ARHGAP44: variants seen among roughly 807,000 people sequenced by gnomAD.
ARHGAP44 encodes Rho GTPase activating protein 44.
ARHGAP44 carries 43 observed loss-of-function variants against 106.8 expected under a neutral mutation model. The ratio of observed to expected loss-of-function variants is 0.40; its 90% CI spans 0.32 to 0.52. The LOEUF (loss-of-function observed/expected upper bound fraction) is 0.52, where lower values mean the gene tolerates loss of function less well. ARHGAP44 is among the 20% of genes least tolerant of loss of function. The probability of loss-of-function intolerance (pLI) is 0.48; values close to 1 mark genes in which losing one functional copy is unlikely to be tolerated. For synonymous variants in ARHGAP44, 439 were observed against 410.3 expected, an observed-to-expected ratio of 1.07 and a Z score of -0.85; for missense variants, 866 against 1,050.5, an observed-to-expected ratio of 0.82 and a Z score of 2.43.
chr17:12,881,455 A>T (rs995819226), intron 1 of ARHGAP44, among the ~76,000 whole-genome samples: 1 of 152,066 alleles, frequency 6.6e-6, no homozygotes, highest in South Asian at 2.1e-4. Flanking sequence ...CCAATCTTAG[A>T]TAACACTTTT....
At chr17:12,840,644 GGT>G (rs200544445) in intron 1 of ARHGAP44, among the ~76,000 whole-genome samples, 13,205 of 152,168 alleles carry the variant, frequency 0.087, 1,133 homozygotes, top group African/African-American at 0.23. Flanking sequence ...GTAGAGAAGA[GGT>G]GCAGTTCCTG....
At position 12,915,935 on chromosome 17, in the gene ARHGAP44, A is replaced by G. The variant is rs2037897324; in HGVS notation, c.311A>G (p.Lys104Arg). 2 of 1,613,934 alleles carry G rather than the reference A, an allele frequency of 1.2e-6. No individual in the cohort carries two copies. Among genetic ancestry groups the G allele is most frequent in the East Asian group, 2.2e-5 (1 of 44,874 alleles). Residue 104 changes from lysine to arginine, a missense_variant, in exon 5 of 21, where the codon AAG becomes AGG. By Grantham distance (26) the Lys-to-Arg change is conservative. Coordinates refer to ENST00000379672, the MANE Select transcript of ARHGAP44 (RefSeq NM_014859.6). ...MLKLCGETEDKLAQELIHFEL... is the reference protein window; with the variant it reads ...MLKLCGETEDRLAQELIHFEL... ...AAACTCTGTGGAGAGACGGAGGACA[A>G]GCTGGCTCAGGAGCTGATACATTTT...
At position 12,949,765 on chromosome 17, in the gene ARHGAP44, T is replaced by TA; in HGVS notation, c.1055+36dup. 1 of 1,582,290 alleles carries TA rather than the reference T, an allele frequency of 6.3e-7. No individual in the cohort carries two copies. The highest frequency in any genetic ancestry group is 8.7e-7 in the Non-Finnish European group (1 of 1,152,840). ...CCTTGTTTTGGAATGTCCTGTGAGT[T>TA]ACAGTTTATTTGGGAGTATGTGCTG... On this transcript the variant is annotated intron_variant, in intron 12 of 20. Coordinates refer to ENST00000379672, the MANE Select transcript of ARHGAP44 (RefSeq NM_014859.6). This position sits in a 1 kb window ranked among gnomAD's most constrained non-coding sequence, Gnocchi z 4.1.
At chr17:12,957,912 T>C (rs566114502) in intron 15 of ARHGAP44, among the ~76,000 whole-genome samples, 12 of 152,358 alleles carry the variant, frequency 7.9e-5, no homozygotes, top group African/African-American at 2.9e-4. Flanking sequence ...ATTAATGCTG[T>C]TCTAACATTG....
At chr17:12,913,760 GA>G (rs1362254926) in intron 4 of ARHGAP44, among the ~76,000 whole-genome samples, 2 of 151,500 alleles carry the variant, frequency 1.3e-5, no homozygotes, top group Non-Finnish European at 2.9e-5. Context: ...CTGAGGTCCA[GA>G]GTTCAAGACT....
chr17:12,917,225 C>T (rs116256624), intron 5 of ARHGAP44: 2,359 of 154,488 alleles, frequency 0.015, 69 homozygotes, highest in African/African-American at 0.054. Flanking sequence ...AGTTGGGATT[C>T]TCCCCTATTA....
rs141361614 is a variant in ARHGAP44, at chr17:12,898,004, A to G, written c.198+1493A>G. On this transcript the variant is annotated intron_variant, in intron 3 of 20. Transcript: ENST00000379672. ...AGGGCACTGATAGAAGATTTGAGGTATGGCAAAGCCAGCAGATCAGGAGAT... is the reference window on the plus strand; with the variant it reads ...AGGGCACTGATAGAAGATTTGAGGTGTGGCAAAGCCAGCAGATCAGGAGAT... Among the ~76,000 whole-genome samples the G allele has an allele frequency of 7.8e-4, 118 of 152,218 alleles. 2 individuals are homozygous for G. In the East Asian group the frequency reaches 0.022, roughly 28 times the overall value.
At chr17:12,866,026 C>A (rs909594895) in intron 1 of ARHGAP44, among the ~76,000 whole-genome samples, 1 of 152,048 alleles carries the variant, frequency 6.6e-6, no homozygotes, top group African/African-American at 2.4e-5. Context: ...AGTCAAATCT[C>A]AACCAAACTC....
At chr17:12,973,097 A>G (rs990562368) in intron 16 of ARHGAP44, 21 of 565,128 alleles carry the variant, frequency 3.7e-5, no homozygotes, top group African/African-American at 2.5e-4. Flanking sequence ...ACCTGTGTGC[A>G]TGGTAGGGTA....
At chr17:12,840,842 C>T (rs2035369441) in intron 1 of ARHGAP44, among the ~76,000 whole-genome samples, 2 of 152,188 alleles carry the variant, frequency 1.3e-5, no homozygotes, top group South Asian at 4.1e-4. Flanking sequence ...GAGAGAACCC[C>T]AGCTCCACAA....
At chr17:12,931,133 G>A (rs1029336586) in intron 7 of ARHGAP44, among the ~76,000 whole-genome samples, 31 of 152,248 alleles carry the variant, frequency 2.0e-4, no homozygotes, top group African/African-American at 6.0e-4. Context: ...GTACAGTGGC[G>A]TGATCTCGGC....
At chr17:12,913,968 CAAAAAAAA>C (rs58231055) in intron 4 of ARHGAP44, among the ~76,000 whole-genome samples, 12 of 63,464 alleles carry the variant, frequency 1.9e-4, no homozygotes, top group African/African-American at 6.1e-4. Flanking sequence ...GATTTTGTCT[CAAAAAAAA>C]AAAAAAAAAA....
At chr17:12,969,892 C>T (rs2039483666) in intron 16 of ARHGAP44, among the ~76,000 whole-genome samples, 1 of 152,204 alleles carries the variant, frequency 6.6e-6, no homozygotes, top group Non-Finnish European at 1.5e-5. Flanking sequence ...AGAGAGAGCT[C>T]TACTGAGTCA....
At chr17:12,955,737 A>T (rs1034171349) in intron 13 of ARHGAP44, 130 bp from the exon 14 acceptor site, 1 of 608,196 alleles carries the variant, frequency 1.6e-6, no homozygotes, top group African/African-American at 1.9e-5. Context: ...ACGCATGTTC[A>T]TTACATTGCA....
chr17:12,990,351 G>A lies in ARHGAP44; in HGVS notation c.*180G>A, dbSNP rs2040098808. The A allele has an allele frequency of 8.9e-6, 7 of 785,110 alleles. No homozygotes were observed. Among genetic ancestry groups the A allele is most frequent in the Admixed American group, 2.9e-5 (1 of 34,444 alleles). 48.6% of individuals were successfully genotyped at this position (785,110 alleles called of 1,614,324 possible). A position where few individuals can be genotyped will look rare whatever the true frequency, so the allele number is the denominator to read the frequency against. ...CAGTCCGTGTGGTGATGCTGGTGGTGCAGGTTTTGTTTGTTCCTTTCGGGT... is the reference window on the plus strand; with the variant it reads ...CAGTCCGTGTGGTGATGCTGGTGGTACAGGTTTTGTTTGTTCCTTTCGGGT... On this transcript the variant is annotated 3_prime_UTR_variant, in exon 21 of 21. Coordinates refer to ENST00000379672, the MANE Select transcript of ARHGAP44 (RefSeq NM_014859.6).
chr17:12,801,601 G>A (rs1397492020), intron 1 of ARHGAP44, among the ~76,000 whole-genome samples: 1 of 152,128 alleles, frequency 6.6e-6, no homozygotes, highest in Non-Finnish European at 1.5e-5. Flanking sequence ...GTAAATTCTG[G>A]TACATTTGCA....
At chr17:12,980,393 T>C (rs2039802785) in intron 19 of ARHGAP44, among the ~76,000 whole-genome samples, 160 bp downstream of exon 19, 1 of 152,242 alleles carries the variant, frequency 6.6e-6, no homozygotes, top group Non-Finnish European at 1.5e-5. Flanking sequence ...AAAGGGATCC[T>C]TTCTCTATTA....
intron 1 of ARHGAP44, among the ~76,000 whole-genome samples, chr17:12,877,825 C>A (rs1424334104): frequency 6.6e-6 from 1 of 152,108 alleles, no homozygotes; most frequent in African/African-American, 2.4e-5. Context: ...CTGTCTCTGC[C>A]TTAAGTGCAG....
intron 16 of ARHGAP44, among the ~76,000 whole-genome samples, chr17:12,963,841 A>G (rs75478517): frequency 2.5e-3 from 388 of 152,306 alleles, no homozygotes; most frequent in African/African-American, 9.0e-3. Context: ...AAATCCTTCA[A>G]CCTGTCCCAA....
Sources: gnomAD v4.1 joint callset for allele counts (sites outside exome capture counted in the v4.1 genomes callset) on GRCh38, gnomAD v4.1.1 for gene constraint, Gnocchi (gnomAD v3.1) non-coding constraint, MANE v1.5 for transcripts, NCBI Gene and HGNC (gene_info 2026-07-23, HGNC 2026-07-21) for gene names.